The following CNTNAP2 variants were observed in gnomAD, a reference collection of about 807,000 sequenced individuals.
CNTNAP2 encodes contactin associated protein 2, also known as contactin-associated protein-like 2.
In CNTNAP2, 98 loss-of-function variants were observed where a neutral mutation model predicts 155.2. The observed-to-expected ratio is 0.63, with a 90% CI of 0.54 to 0.75. CNTNAP2 has a LOEUF of 0.75. Ranked by LOEUF, CNTNAP2 falls within the 30% of genes least tolerant of loss-of-function variation. The pLI is 0.00. For synonymous variants in CNTNAP2, 651 were observed against 631.2 expected, an observed-to-expected ratio of 1.03 and a Z score of -0.47; for missense variants, 1,727 against 1,688.1, an observed-to-expected ratio of 1.02 and a Z score of -0.40.
chr7:147,088,531 T>C (rs953331206), intron 4 of CNTNAP2, among the ~76,000 whole-genome samples: 1 of 152,164 alleles, frequency 6.6e-6, no homozygotes, highest in African/African-American at 2.4e-5. Context: ...ACAAAATACA[T>C]AGTAGTCAGT....
At chr7:147,997,134 A>G (rs1004810254) in intron 15 of CNTNAP2, among the ~76,000 whole-genome samples, 1 of 152,218 alleles carries the variant, frequency 6.6e-6, no homozygotes, top group African/African-American at 2.4e-5. Context: ...ACTGTAAGAA[A>G]TAAATTTCTG....
At chr7:146,904,981 A>AGT (rs1796087995) in intron 3 of CNTNAP2, among the ~76,000 whole-genome samples, 1 of 152,166 alleles carries the variant, frequency 6.6e-6, no homozygotes, top group African/African-American at 2.4e-5. Flanking sequence ...GTGGCAATGA[A>AGT]GTAGAACACC....
At chr7:147,619,130 C>T (rs779978351) in intron 12 of CNTNAP2, among the ~76,000 whole-genome samples, 83 of 152,278 alleles carry the variant, frequency 5.5e-4, no homozygotes, top group Non-Finnish European at 7.5e-4. Flanking sequence ...ACTAAATTCT[C>T]AGTAGTTCCA....
intron 3 of CNTNAP2, among the ~76,000 whole-genome samples, chr7:146,905,026 T>G (rs542531896): frequency 6.6e-6 from 1 of 152,134 alleles, no homozygotes; most frequent in Admixed American, 6.5e-5. Context: ...ACTATGACAT[T>G]TGGGGACAGA....
intron 1 of CNTNAP2, among the ~76,000 whole-genome samples, chr7:146,162,209 A>G (rs962410041): frequency 2.6e-5 from 4 of 152,226 alleles, no homozygotes; most frequent in Non-Finnish European, 4.4e-5. Context: ...ATAAACTACC[A>G]TCAGAGTGAA....
chr7:146,244,972 A>G (rs1397561946), intron 1 of CNTNAP2, among the ~76,000 whole-genome samples: 1 of 151,892 alleles, frequency 6.6e-6, no homozygotes, highest in Non-Finnish European at 1.5e-5. Context: ...ATCCCTGAGG[A>G]GTAGTAGAAT....
chr7:148,080,292 G>C (rs1235992115), intron 15 of CNTNAP2, among the ~76,000 whole-genome samples: 1 of 152,108 alleles, frequency 6.6e-6, no homozygotes, highest in Non-Finnish European at 1.5e-5. Context: ...ATCAGCTTTT[G>C]GTGTAAATGC....
At chr7:148,160,513 T>C (rs1805501941) in intron 17 of CNTNAP2, among the ~76,000 whole-genome samples, 1 of 152,162 alleles carries the variant, frequency 6.6e-6, no homozygotes, top group African/African-American at 2.4e-5. Flanking sequence ...TTTGTACAGG[T>C]GTTTGTATCC....
chr7:146,874,106 G>T (rs1252944032), intron 3 of CNTNAP2, among the ~76,000 whole-genome samples: 1 of 151,996 alleles, frequency 6.6e-6, no homozygotes, highest in East Asian at 1.9e-4. Flanking sequence ...ATTCTCGGGA[G>T]AAGTGAACTC....
At chr7:146,561,449 G>A (rs1279281809) in intron 1 of CNTNAP2, among the ~76,000 whole-genome samples, 1 of 152,078 alleles carries the variant, frequency 6.6e-6, no homozygotes, top group African/African-American at 2.4e-5. Context: ...GAGCCCAGGA[G>A]TTCCAGACCA....
intron 3 of CNTNAP2, among the ~76,000 whole-genome samples, chr7:146,969,277 TG>T (rs1478860944): frequency 7.9e-5 from 12 of 152,070 alleles, no homozygotes; most frequent in Admixed American, 2.0e-4. Context: ...CTGAAAAAAA[TG>T]TATATTCTGT....
chr7:148,158,055 G>T (rs746531762), intron 17 of CNTNAP2, among the ~76,000 whole-genome samples: 2 of 151,782 alleles, frequency 1.3e-5, no homozygotes, highest in Non-Finnish European at 2.9e-5. Flanking sequence ...CTCCACCTAC[G>T]ACCCCCACAA....
At chr7:147,334,226 C>T (rs1795626866) in intron 9 of CNTNAP2, among the ~76,000 whole-genome samples, 1 of 152,140 alleles carries the variant, frequency 6.6e-6, no homozygotes, top group Non-Finnish European at 1.5e-5. Context: ...CTCCTCCTTC[C>T]TCTTCAACTT....
At chr7:148,209,281 A>G (rs1280335813) in intron 18 of CNTNAP2, among the ~76,000 whole-genome samples, 1 of 135,248 alleles carries the variant, frequency 7.4e-6, no homozygotes, top group Non-Finnish European at 1.6e-5. Context: ...CACACCGGCT[A>G]TTTTTTTCTT....
Position 147,782,223 on chromosome 7 carries a change from T to C in CNTNAP2, c.2099-121342T>C, listed in dbSNP as rs1410008552. 2.0e-5 allele frequency among the ~76,000 whole-genome samples: 3 copies of C among 152,264 alleles called. No homozygotes were observed. The East Asian group carries it at 5.8e-4, about 29-fold the overall frequency. On this transcript the variant is annotated intron_variant, in intron 13 of 23. Transcript: ENST00000361727. ...TTTGAAAGTTAGTGAATAAAATAGG[T>C]TGAATTCAGTAAGTGCTAAGGTCAT...
rs753592463 is a variant in CNTNAP2 at position 148,172,280 on chromosome 7, C to T, written c.2812C>T (p.Arg938Cys). 1.9e-6 allele frequency: 3 copies of T among 1,614,090 alleles called. No individual in the cohort carries two copies. Among genetic ancestry groups the T allele is most frequent in the Non-Finnish European group, 1.7e-6 (2 of 1,180,026 alleles). The change falls in exon 18 of 24, where the codon CGC becomes TGC. Residue 938 changes from arginine (R) to cysteine (C), a missense_variant. Coordinates refer to ENST00000361727, the MANE Select transcript of CNTNAP2 (RefSeq NM_014141.6). ...GGQQGFLGCI[R>C]SLRMNGVTLD... ...CCAGCAGGGCTTCCTGGGCTGCATC[C>T]GCTCCTTGAGGATGAATGGGGTGAC...
intron 10 of CNTNAP2, among the ~76,000 whole-genome samples, chr7:147,463,441 G>A (rs1023882718): frequency 3.9e-5 from 6 of 152,152 alleles, no homozygotes; most frequent in East Asian, 1.9e-4. Flanking sequence ...TATATCTCAC[G>A]TGCAGACCCA....
At chr7:146,678,270 C>T (rs1469590466) in intron 1 of CNTNAP2, among the ~76,000 whole-genome samples, 2 of 151,858 alleles carry the variant, frequency 1.3e-5, no homozygotes, top group African/African-American at 2.4e-5. Flanking sequence ...GGTCTCACCA[C>T]GTTGGCCGGG....
intron 3 of CNTNAP2, among the ~76,000 whole-genome samples, chr7:146,944,224 G>GT (rs371117366): frequency 0.028 from 4,004 of 143,598 alleles, 164 homozygotes; most frequent in African/African-American, 0.092. Flanking sequence ...TCATCTACAG[G>GT]TTTTTTTTTT....
Sources: allele counts gnomAD v4.1 joint callset (sites outside exome capture counted in the v4.1 genomes callset), GRCh38; gene constraint gnomAD v4.1.1; transcripts MANE v1.5; gene names NCBI Gene and HGNC (gene_info 2026-07-23, HGNC 2026-07-21).